PLAAT5: variants seen among roughly 807,000 people sequenced by gnomAD.
PLAAT5 encodes phospholipase A and acyltransferase 5.
Under a neutral mutation model 27.8 loss-of-function variants are expected in PLAAT5, and 27 were observed. The observed-to-expected ratio is 0.97, with a 90% CI of 0.72 to 1.34. The LOEUF is 1.34. Ranked by LOEUF, PLAAT5 falls within the 40% of genes most tolerant of loss-of-function variation. The probability of loss-of-function intolerance (pLI) is 0.00; values close to 1 mark genes in which losing one functional copy is unlikely to be tolerated. For missense variants in PLAAT5, 368 were observed against 343.8 expected (o/e 1.07, Z -0.56); for synonymous variants, 125 against 136.1 (o/e 0.92, Z 0.57).
At chr11:63,488,675 G>GTT (rs35614311) in intron 3 of PLAAT5, among the ~76,000 whole-genome samples, 196 bp downstream of exon 3, 21 of 141,688 alleles carry the variant, frequency 1.5e-4, no homozygotes, top group African/African-American at 4.3e-4. Context: ...TTTTTTGTGG[G>GTT]TTTTTTTTTT....
chr11:63,490,182 C>A (rs2016527369), intron 2 of PLAAT5, 61 bp downstream of exon 2: 1 of 1,610,174 alleles, frequency 6.2e-7, no homozygotes, highest in Non-Finnish European at 8.5e-7. Context: ...GAACTGCATT[C>A]CAAGTCAATT....
intron 3 of PLAAT5, among the ~76,000 whole-genome samples, chr11:63,468,766 T>C (rs555799581): frequency 4.6e-5 from 7 of 152,340 alleles, no homozygotes; most frequent in Admixed American, 4.6e-4. Flanking sequence ...GTTTTAAGCA[T>C]TTCTTCCTTA....
At chr11:63,489,466 TG>T (rs1257610314) in intron 2 of PLAAT5, among the ~76,000 whole-genome samples, 1 of 152,160 alleles carries the variant, frequency 6.6e-6, no homozygotes, top group Non-Finnish European at 1.5e-5. Flanking sequence ...ATTTCTCCCT[TG>T]AAACAAAATG....
intron 3 of PLAAT5, among the ~76,000 whole-genome samples, chr11:63,486,985 T>C (rs1442312722): frequency 6.6e-6 from 1 of 152,240 alleles, no homozygotes; most frequent in African/African-American, 2.4e-5. Context: ...GTATGTCCAC[T>C]TCTTTGGCGG....
chr11:63,477,070 T>C (rs2016168800), intron 3 of PLAAT5, among the ~76,000 whole-genome samples: 1 of 152,238 alleles, frequency 6.6e-6, no homozygotes, highest in South Asian at 2.1e-4. Context: ...ATTAATATTG[T>C]ATATTTGATC....
intron 3 of PLAAT5, among the ~76,000 whole-genome samples, chr11:63,484,001 A>G (rs1020163336): frequency 1.3e-5 from 2 of 150,392 alleles, no homozygotes; most frequent in African/African-American, 2.4e-5. Context: ...GAAATACAAA[A>G]GATCATTCAC....
rs752185420 is a variant in PLAAT5, at chr11:63,488,867, C to A, written c.345+4G>T. The A allele has an allele frequency of 6.3e-7, 1 of 1,597,046 alleles. No homozygotes were observed. The highest frequency in any genetic ancestry group is 8.6e-7 in the Non-Finnish European group (1 of 1,165,102). ...GTCACTTTGAGAATTCTTGTTACAC[C>A]TACCTCAGCTGCTTGCTTTATTAAC... On this transcript the variant is annotated splice_donor_region_variant and intron_variant, in intron 3 of 5. Transcript: ENST00000540857.
At chr11:63,489,004 A>G in intron 2 of PLAAT5, 28 bp from the exon 3 acceptor site, 1 of 1,388,594 alleles carries the variant, frequency 7.2e-7, no homozygotes. Context: ...CACAAAGTTA[A>G]CAAATATCAC....
chr11:63,471,979 G>A (rs1392564646), intron 3 of PLAAT5, among the ~76,000 whole-genome samples: 1 of 152,128 alleles, frequency 6.6e-6, no homozygotes, highest in Non-Finnish European at 1.5e-5. Flanking sequence ...TTATAAATGG[G>A]AGCTGAATGA....
At chr11:63,464,517 A>C (rs191408779) in intron 5 of PLAAT5, among the ~76,000 whole-genome samples, 4 of 152,020 alleles carry the variant, frequency 2.6e-5, no homozygotes, top group African/African-American at 9.7e-5. Context: ...TTAGCTGGGC[A>C]TGGTGGCGTG....
chr11:63,487,158 C>T (rs1590629005), intron 3 of PLAAT5, among the ~76,000 whole-genome samples: 1 of 152,136 alleles, frequency 6.6e-6, no homozygotes, highest in Non-Finnish European at 1.5e-5. Flanking sequence ...TCTGAAGAGA[C>T]AAGCCACAGA....
Position 63,490,306 on chromosome 11 carries a change from A to C in PLAAT5, c.176T>G (p.Val59Gly), listed in dbSNP as rs150437915. The change falls in exon 2 of 6, where the codon GTC (valine) becomes GGC (glycine). Residue 59 changes from valine to glycine, a missense_variant. By Grantham distance (109) the Val-to-Gly change is moderately radical. Coordinates refer to ENST00000540857, the MANE Select transcript of PLAAT5 (RefSeq NM_001146729.2). The part of the protein sequence containing the change: ...SEESVGFAAL[V>G]QLPAKQPPPG... ...CGGAGGCTGCTTGGCTGGGAGCTGG[A>C]CCAACGCTGCGAATCCCACGGATTC... 6.4e-5 allele frequency: 103 copies of C among 1,614,072 alleles called. No individual in the cohort carries two copies. The highest frequency in any genetic ancestry group is 8.6e-5 in the Non-Finnish European group (101 of 1,180,046).
intron 3 of PLAAT5, among the ~76,000 whole-genome samples, chr11:63,486,986 TC>T (rs1431111000): frequency 6.6e-6 from 1 of 152,236 alleles, no homozygotes; most frequent in Non-Finnish European, 1.5e-5. Flanking sequence ...TATGTCCACT[TC>T]TTTGGCGGTC....
chr11:63,490,927 G>C lies in PLAAT5; in HGVS notation c.108C>G (p.Asp36Glu). 1 of 1,603,816 alleles carries C rather than the reference G, an allele frequency of 6.2e-7. No homozygotes were observed. Among genetic ancestry groups the C allele is most frequent in the Non-Finnish European group, 8.5e-7 (1 of 1,175,494 alleles). Residue 36 changes from aspartate to glutamate, a missense_variant, in exon 1 of 6, where the codon GAC becomes GAG. Physicochemically the swap from Asp to Glu is conservative, Grantham distance 45. Coordinates refer to ENST00000540857, the MANE Select transcript of PLAAT5 (RefSeq NM_001146729.2). ...ASRTASTGPK[D>E]QPPALRRSAV... ...CTGAACGTCTGAGCGCAGGCGGCTGGTCCTTGGGCCCGGTACTGGCGGTTC... is the reference window on the plus strand; with the variant it reads ...CTGAACGTCTGAGCGCAGGCGGCTGCTCCTTGGGCCCGGTACTGGCGGTTC...
intron 5 of PLAAT5, among the ~76,000 whole-genome samples, chr11:63,464,608 A>G (rs2015807188): frequency 6.6e-6 from 1 of 152,098 alleles, no homozygotes; most frequent in African/African-American, 2.4e-5. Context: ...GTGAGCCGAG[A>G]TCACGCCATC....
chr11:63,474,431 C>G (rs2016105738), intron 3 of PLAAT5, among the ~76,000 whole-genome samples: 1 of 151,978 alleles, frequency 6.6e-6, no homozygotes, highest in South Asian at 2.1e-4. Context: ...AGGAACTTAC[C>G]CAATTCATCT....
chr11:63,486,850 A>C (rs893395260), intron 3 of PLAAT5, among the ~76,000 whole-genome samples: 1 of 152,250 alleles, frequency 6.6e-6, no homozygotes, highest in African/African-American at 2.4e-5. Context: ...TGTAAATGTA[A>C]AAAACAAAAC....
intron 3 of PLAAT5, among the ~76,000 whole-genome samples, chr11:63,473,886 G>C (rs1259572226): frequency 6.6e-6 from 1 of 151,310 alleles, no homozygotes; most frequent in Non-Finnish European, 1.5e-5. Flanking sequence ...TAATTTATTT[G>C]GTTTGTTTCA....
chr11:63,466,345 G>A lies in PLAAT5; in HGVS notation c.482C>T (p.Thr161Ile). 1.2e-6 allele frequency: 2 copies of A among 1,614,118 alleles called. No individual in the cohort carries two copies. Among genetic ancestry groups the A allele is most frequent in the African/African-American group, 1.3e-5 (1 of 75,040 alleles). ...CACGGCCCGATTGCTAAAGATGGAA[G>A]TAATGCTGCCCACCTCAAACTCCTC... is the stretch of plus-strand genomic sequence containing the variant. ...PSEEFEVGSI[T>I]SIFSNRAVVK... Residue 161 changes from threonine to isoleucine, a missense_variant, in exon 5 of 6, where the codon ACT becomes ATT. Thr to Ile is a moderately conservative substitution (Grantham distance 89). Coordinates refer to ENST00000540857, the MANE Select transcript of PLAAT5 (RefSeq NM_001146729.2).
Sources: gnomAD v4.1 joint callset for allele counts (sites outside exome capture counted in the v4.1 genomes callset) on GRCh38, gnomAD v4.1.1 for gene constraint, MANE v1.5 for transcripts, NCBI Gene and HGNC (gene_info 2026-07-23, HGNC 2026-07-21) for gene names.